DOCK3: variants seen among roughly 807,000 people sequenced by gnomAD.
The protein encoded by DOCK3 is dedicator of cytokinesis protein 3.
DOCK3 carries 60 observed loss-of-function variants against 265.6 expected under a neutral mutation model. The observed-to-expected ratio is 0.23, with a 90% CI of 0.18 to 0.28. DOCK3 has a LOEUF of 0.28. DOCK3 is among the 10% of genes least tolerant of loss of function. The pLI is 1.00. For missense variants in DOCK3, 1,981 were observed against 2,594.3 expected, an observed-to-expected ratio of 0.76 and a Z score of 5.14; for synonymous variants, 881 against 938.0, an observed-to-expected ratio of 0.94 and a Z score of 1.11.
chr3:51,092,642 A>G (rs1333333792), intron 9 of DOCK3, among the ~76,000 whole-genome samples: 2 of 152,118 alleles, frequency 1.3e-5, no homozygotes, highest in Non-Finnish European at 2.9e-5. Flanking sequence ...CGGACCTCCT[A>G]GCACAGCGTT....
chr3:50,863,350 T>C (rs1473661225), intron 3 of DOCK3: 1 of 507,338 alleles, frequency 2.0e-6, no homozygotes, highest in African/African-American at 1.9e-5. Context: ...CTGTGTGAGC[T>C]GGCTACCCGG....
chr3:50,950,695 C>T (rs2076566582), intron 5 of DOCK3, among the ~76,000 whole-genome samples: 1 of 152,044 alleles, frequency 6.6e-6, no homozygotes, highest in Non-Finnish European at 1.5e-5. Flanking sequence ...ATACCTCCTG[C>T]TGCCTAGCTT....
chr3:51,008,573 A>G (rs1048582276), intron 5 of DOCK3, among the ~76,000 whole-genome samples: 1 of 152,236 alleles, frequency 6.6e-6, no homozygotes, highest in South Asian at 2.1e-4. Context: ...GTCGTCTGCA[A>G]CAGGGACAAT....
chr3:51,116,450 C>CT (rs2083744684), intron 9 of DOCK3, among the ~76,000 whole-genome samples: 1 of 54,972 alleles, frequency 1.8e-5, no homozygotes, highest in African/African-American at 7.8e-5. Flanking sequence ...GACTCCATCT[C>CT]AAAAAAAAAA....
intron 2 of DOCK3, among the ~76,000 whole-genome samples, chr3:50,832,773 C>T (rs566334878): frequency 6.6e-6 from 1 of 152,232 alleles, no homozygotes; most frequent in South Asian, 2.1e-4. Flanking sequence ...TCTGAAACTT[C>T]TTCAGGCTGA....
At chr3:50,995,962 T>C (rs2078266274) in intron 5 of DOCK3, among the ~76,000 whole-genome samples, 1 of 152,060 alleles carries the variant, frequency 6.6e-6, no homozygotes, top group African/African-American at 2.4e-5. Flanking sequence ...AGTGGTGCGA[T>C]CTCGGCTCAC....
At chr3:51,232,876 T>C (rs1219396525) in intron 19 of DOCK3, among the ~76,000 whole-genome samples, 2 of 152,206 alleles carry the variant, frequency 1.3e-5, no homozygotes, top group Non-Finnish European at 2.9e-5. Context: ...ATTTATTGAG[T>C]ATGGAGTCCT....
At chr3:51,137,737 A>G (rs2084870372) in intron 9 of DOCK3, among the ~76,000 whole-genome samples, 1 of 152,228 alleles carries the variant, frequency 6.6e-6, no homozygotes, top group South Asian at 2.1e-4. Flanking sequence ...TATTGTCTAT[A>G]GTTCATCATC....
chr3:51,253,510 G>C (rs1276693798), intron 22 of DOCK3, among the ~76,000 whole-genome samples: 1 of 151,902 alleles, frequency 6.6e-6, no homozygotes, highest in Non-Finnish European at 1.5e-5. Context: ...TTTTTTGGTT[G>C]GTAGGCTATT....
chr3:51,026,930 C>G (rs1025117137), intron 5 of DOCK3, among the ~76,000 whole-genome samples: 1 of 151,224 alleles, frequency 6.6e-6, no homozygotes, highest in African/African-American at 2.4e-5. Context: ...CTTTTTGATC[C>G]TTTGTATGGT....
At chr3:50,859,824 C>T (rs1392634965) in intron 3 of DOCK3, among the ~76,000 whole-genome samples, 2 of 152,154 alleles carry the variant, frequency 1.3e-5, no homozygotes, top group Non-Finnish European at 2.9e-5. Context: ...TTGTGTGGCT[C>T]CTCTGTGTTT....
intron 1 of DOCK3, among the ~76,000 whole-genome samples, chr3:50,771,495 G>A (rs2041272332): frequency 6.6e-6 from 1 of 152,186 alleles, no homozygotes; most frequent in Non-Finnish European, 1.5e-5. Flanking sequence ...TATGCTGTTG[G>A]TGAGAATGTC....
At chr3:51,145,604 A>T (rs1288688624) in intron 9 of DOCK3, among the ~76,000 whole-genome samples, 3 of 151,912 alleles carry the variant, frequency 2.0e-5, no homozygotes, top group African/African-American at 7.3e-5. Context: ...TTTTATTTTT[A>T]TTTTTATTTT....
At chr3:51,009,512 T>C (rs971557877) in intron 5 of DOCK3, among the ~76,000 whole-genome samples, 1 of 152,206 alleles carries the variant, frequency 6.6e-6, no homozygotes, top group Non-Finnish European at 1.5e-5. Context: ...CTCTCTTTTC[T>C]TCTTTATTAT....
At chr3:51,069,776 T>C (rs1457018285) in intron 6 of DOCK3, among the ~76,000 whole-genome samples, 2 of 152,212 alleles carry the variant, frequency 1.3e-5, no homozygotes, top group African/African-American at 2.4e-5. Context: ...ACACAAGCAG[T>C]AGTTTAGTTT....
intron 49 of DOCK3, among the ~76,000 whole-genome samples, chr3:51,366,420 T>G (rs2087175584): frequency 6.6e-6 from 1 of 152,010 alleles, no homozygotes; most frequent in Non-Finnish European, 1.5e-5. Flanking sequence ...CAATTTTGTT[T>G]ATCTTTTCAA....
chr3:51,251,764 G>A (rs1423056149), intron 22 of DOCK3, among the ~76,000 whole-genome samples: 6 of 152,212 alleles, frequency 3.9e-5, no homozygotes, highest in African/African-American at 9.6e-5. Flanking sequence ...GATATTAGCC[G>A]TTTGTCAGAT....
intron 5 of DOCK3, among the ~76,000 whole-genome samples, chr3:50,960,555 T>C (rs1575615517): frequency 6.6e-6 from 1 of 152,308 alleles, no homozygotes; most frequent in East Asian, 1.9e-4. Context: ...GTTGTTTGTC[T>C]TAGTTATAAA....
intron 27 of DOCK3, among the ~76,000 whole-genome samples, chr3:51,307,295 T>A (rs1002424163): frequency 6.6e-6 from 1 of 152,128 alleles, no homozygotes; most frequent in Admixed American, 6.5e-5. Context: ...TTTTAATTTT[T>A]TGTAAAGATG....
Sources: allele counts gnomAD v4.1 joint callset (sites outside exome capture counted in the v4.1 genomes callset), GRCh38; gene constraint gnomAD v4.1.1; transcripts MANE v1.5; gene names NCBI Gene and HGNC (gene_info 2026-07-23, HGNC 2026-07-21).